ICA1: variants seen among roughly 807,000 people sequenced by gnomAD.
The protein encoded by ICA1 is 69 kDa islet cell autoantigen.
In ICA1, 40 loss-of-function variants were observed where a neutral mutation model predicts 71.0. That is an observed-to-expected ratio of 0.56 (90% CI 0.44 to 0.73). ICA1 has a LOEUF of 0.73. Among genes scored for constraint, ICA1 ranks in the 30% least tolerant of loss-of-function variants. The pLI, the probability that ICA1 is intolerant of heterozygous loss-of-function variation, is 0.00. For synonymous variants in ICA1, 207 were observed against 209.5 expected (o/e 0.99, Z 0.10); for missense variants, 578 against 576.5 (o/e 1.00, Z -0.03).
chr7:8,149,267 A>C (rs1584554599), intron 8 of ICA1, among the ~76,000 whole-genome samples: 1 of 152,356 alleles, frequency 6.6e-6, no homozygotes, highest in Admixed American at 6.5e-5. Flanking sequence ...TCTCTCATTA[A>C]AATTGCTCAT....
intron 1 of ICA1, among the ~76,000 whole-genome samples, chr7:8,245,668 T>G (rs1164715187): frequency 6.6e-6 from 1 of 152,204 alleles, no homozygotes; most frequent in Non-Finnish European, 1.5e-5. Flanking sequence ...CCAATATATC[T>G]AAATTATTAT....
intron 6 of ICA1, among the ~76,000 whole-genome samples, chr7:8,168,397 T>C (rs1806963912): frequency 6.6e-6 from 1 of 152,090 alleles, no homozygotes; most frequent in South Asian, 2.1e-4. Flanking sequence ...GAAGAGGAAA[T>C]CGAGACCCAG....
At chr7:8,262,195 G>T (rs984517217), upstream of ICA1, 1 of 152,200 alleles carries the variant, frequency 6.6e-6, no homozygotes, top group Non-Finnish European at 1.5e-5. Flanking sequence ...GAAAGGGGCG[G>T]GGGGAGCGCA....
intron 8 of ICA1, chr7:8,156,626 A>G (rs1453673019): frequency 4.3e-6 from 2 of 467,370 alleles, no homozygotes; most frequent in East Asian, 7.9e-5. Flanking sequence ...CTTACAGAAA[A>G]ATTCAATTTT....
At chr7:8,159,292 A>T (rs1802828859) in intron 6 of ICA1, among the ~76,000 whole-genome samples, 1 of 152,210 alleles carries the variant, frequency 6.6e-6, no homozygotes, top group South Asian at 2.1e-4. Flanking sequence ...TCCTCCATCG[A>T]TCCTTAAACC....
At chr7:8,235,804 A>G in intron 2 of ICA1, 106 bp downstream of exon 2, 2 of 1,187,244 alleles carry the variant, frequency 1.7e-6, no homozygotes, top group Non-Finnish European at 2.5e-6. Context: ...CTAACATGAT[A>G]CTTACTGCCA....
intron 4 of ICA1, chr7:8,227,731 G>A (rs1361534287): frequency 2.7e-5 from 11 of 410,628 alleles, no homozygotes; most frequent in Admixed American, 1.7e-4. Context: ...GCACATGCAC[G>A]GTACCCGGAT....
At chr7:8,237,923 T>A (rs1401467464) in intron 1 of ICA1, among the ~76,000 whole-genome samples, 22 of 152,096 alleles carry the variant, frequency 1.4e-4, no homozygotes, top group Admixed American at 1.4e-3. Context: ...TTGGGAATAA[T>A]GCTGCAATAA....
At chr7:8,156,922 G>A in intron 8 of ICA1, 194 bp downstream of exon 8, 3 of 1,525,356 alleles carry the variant, frequency 2.0e-6, no homozygotes, top group Non-Finnish European at 2.6e-6. Flanking sequence ...ATTGAATCCT[G>A]ATGCAGTAAA....
In ICA1 at chr7:8,218,297, C is replaced by T; in HGVS notation, c.579+8G>A. On this transcript the variant is annotated splice_region_variant and intron_variant, in intron 6 of 13. Coordinates refer to ENST00000402384, the MANE Select transcript of ICA1 (RefSeq NM_001136020.3). The stretch of plus-strand genomic sequence containing the variant: ...ACCCCTTCTGCTAACCCTCATAAAA[C>T]CTCCTACCTTCCTGAACTTCTCCAT... The T allele has an allele frequency of 1.2e-6, 2 of 1,613,880 alleles. No individual in the cohort carries two copies. Among genetic ancestry groups the T allele is most frequent in the African/African-American group, 1.3e-5 (1 of 75,040 alleles).
rs540131633 is a variant in ICA1, at chr7:8,209,337, A to T, written c.579+8968T>A. 3.3e-5 allele frequency among the ~76,000 whole-genome samples: 5 copies of T among 149,988 alleles called. No homozygotes were observed. The South Asian group carries it at 6.2e-4, about 19-fold the overall frequency. On this transcript the variant is annotated intron_variant, in intron 6 of 13. Transcript: ENST00000402384. ...AGTATTACAAAACATGCTTAATTTT[A>T]AAAAAACTGTATGGATAGTTCCTCT...
chr7:8,208,871 A>C (rs1583260117), intron 6 of ICA1, among the ~76,000 whole-genome samples: 1 of 152,176 alleles, frequency 6.6e-6, no homozygotes, highest in East Asian at 1.9e-4. Context: ...TGAAACATGG[A>C]AACAGTCATC....
intron 13 of ICA1, among the ~76,000 whole-genome samples, chr7:8,117,793 T>C (rs1785257916): frequency 6.6e-6 from 1 of 152,236 alleles, no homozygotes; most frequent in South Asian, 2.1e-4. Context: ...GTGAAACCAA[T>C]GTCCAGAGCA....
intron 12 of ICA1, among the ~76,000 whole-genome samples, chr7:8,133,823 T>G (rs1792339774): frequency 6.6e-6 from 1 of 151,918 alleles, no homozygotes; most frequent in Non-Finnish European, 1.5e-5. Flanking sequence ...ACCTGATGAT[T>G]TGTCCCAGTG....
intron 1 of ICA1, among the ~76,000 whole-genome samples, chr7:8,257,289 C>T (rs1583947287): frequency 6.6e-6 from 1 of 152,216 alleles, no homozygotes. Context: ...AATGCTCTAC[C>T]CTGGAAATAT....
chr7:8,126,245 G>C (rs944764678), intron 13 of ICA1, among the ~76,000 whole-genome samples: 2 of 152,178 alleles, frequency 1.3e-5, no homozygotes, highest in Non-Finnish European at 2.9e-5. Context: ...CTGCTGGGGA[G>C]TCCTCAGCAG....
intron 8 of ICA1, chr7:8,156,539 C>A: frequency 4.6e-6 from 1 of 215,892 alleles, no homozygotes; most frequent in Non-Finnish European, 9.0e-6. Flanking sequence ...GAATCAGACA[C>A]TGTGCACGTA....
At chr7:8,203,672 C>T (rs1284822149) in intron 6 of ICA1, among the ~76,000 whole-genome samples, 1 of 152,212 alleles carries the variant, frequency 6.6e-6, no homozygotes, top group Non-Finnish European at 1.5e-5. Context: ...GGCCCTAATT[C>T]AGAGTGAGTT....
rs375606146 is a variant in ICA1 at position 8,129,663 on chromosome 7, T to C, written c.1061-1521A>G. On this transcript the variant is annotated intron_variant, in intron 12 of 13. Coordinates refer to ENST00000402384, the MANE Select transcript of ICA1 (RefSeq NM_001136020.3). ...GTTGTGGGTGAGAAGATGGGGCAAATGGCATTTTAAACAGGCTTCTGAGAC... is the reference window on the plus strand; with the variant it reads ...GTTGTGGGTGAGAAGATGGGGCAAACGGCATTTTAAACAGGCTTCTGAGAC... 2.0e-3 allele frequency among the ~76,000 whole-genome samples: 305 copies of C among 152,290 alleles called. 1 individual carries two copies. Among genetic ancestry groups the C allele is most frequent in the African/African-American group, 6.9e-3 (285 of 41,560 alleles).
Sources: allele counts gnomAD v4.1 joint callset (sites outside exome capture counted in the v4.1 genomes callset), GRCh38; gene constraint gnomAD v4.1.1; transcripts MANE v1.5; gene names NCBI Gene and HGNC (gene_info 2026-07-23, HGNC 2026-07-21).